ZDHHC3: variants seen among roughly 807,000 people sequenced by gnomAD.
ZDHHC3 encodes the protein palmitoyltransferase ZDHHC3.
Under a neutral mutation model 30.6 loss-of-function variants are expected in ZDHHC3, and 9 were observed. The observed-to-expected ratio is 0.29, with a 90% CI of 0.18 to 0.51. The LOEUF (loss-of-function observed/expected upper bound fraction) is 0.51. Ranked by LOEUF, ZDHHC3 falls within the 20% of genes least tolerant of loss-of-function variation. ZDHHC3 has a pLI of 0.97. For synonymous variants in ZDHHC3, 136 were observed against 140.2 expected, an observed-to-expected ratio of 0.97 and a Z score of 0.21; for missense variants, 246 against 384.2, an observed-to-expected ratio of 0.64 and a Z score of 3.01.
Position 44,926,725 on chromosome 3 carries a change from G to A in ZDHHC3, c.864C>T (p.Asp288=). 1 of 1,613,136 alleles carries A rather than the reference G, an allele frequency of 6.2e-7. No individual in the cohort carries two copies. The highest frequency in any genetic ancestry group is 8.5e-7 in the Non-Finnish European group (1 of 1,179,768). ...ACTGGTACGGGTCTGCCTTCCCTTG[G>A]TCTGGCGTGGCAAAGGGGCTGGCCC... The part of the protein sequence containing the change: ...LGWASPFATP[D]QGKADPYQYV... Residue 288 remains aspartate (D), a synonymous_variant, in exon 7 of 7, where the codon GAC becomes GAT. Coordinates refer to ENST00000424952, the MANE Select transcript of ZDHHC3 (RefSeq NM_001135179.2).
Position 44,922,260 on chromosome 3 carries a change from C to T in ZDHHC3, c.*4429G>A. The T allele has an allele frequency of 1.0e-6, 1 of 985,440 alleles. No homozygotes were observed. The highest frequency in any genetic ancestry group is 1.2e-6 in the Non-Finnish European group (1 of 829,932). The allele number at this position is 985,440 out of a possible 1,614,324, so 61.0% of individuals were successfully genotyped here. On this transcript the variant is annotated 3_prime_UTR_variant, in exon 7 of 7. Transcript: ENST00000424952. Reference sequence around the variant, plus strand: ...GTCAAGACGTGTTCAGGTCATGTATCCAGGCTGCTACAATGCCCCTGGCTC... The same window carrying T: ...GTCAAGACGTGTTCAGGTCATGTATTCAGGCTGCTACAATGCCCCTGGCTC...
Position 44,920,117 on chromosome 3 carries a change from C to A in ZDHHC3, c.*6572G>T. 8.2e-7 allele frequency: 1 copy of A among 1,226,762 alleles called. No individual in the cohort carries two copies. 76.0% of individuals were successfully genotyped at this position (1,226,762 alleles called of 1,614,324 possible). A position where few individuals can be genotyped will look rare whatever the true frequency, so the allele number is the denominator to read the frequency against. On this transcript the variant is annotated 3_prime_UTR_variant, in exon 7 of 7. Coordinates refer to ENST00000424952, the MANE Select transcript of ZDHHC3 (RefSeq NM_001135179.2). Reference sequence around the variant, plus strand: ...CACAATCCAAGTTTTACCAATGAGCCAATGTTACTTTTATAATCAGAACAA... The same window carrying A: ...CACAATCCAAGTTTTACCAATGAGCAAATGTTACTTTTATAATCAGAACAA...
In ZDHHC3 at chr3:44,922,321, T is replaced by C. The variant is rs957036684; in HGVS notation, c.*4368A>G. 47 of 985,198 alleles carry C rather than the reference T, an allele frequency of 4.8e-5. No individual in the cohort carries two copies. The highest frequency in any genetic ancestry group is 4.8e-5 in the Non-Finnish European group (40 of 829,908). The allele number at this position is 985,198 out of a possible 1,614,324, so 61.0% of individuals were successfully genotyped here. The stretch of plus-strand genomic sequence containing the variant: ...ACCGGCCGCCGCTCCCATCTGGAGG[T>C]CCCTTGGTTCTACTCTTTTCTCTTT... On this transcript the variant is annotated 3_prime_UTR_variant, in exon 7 of 7. Transcript: ENST00000424952.
chr3:44,923,128 T>C lies in ZDHHC3; in HGVS notation c.*3561A>G, dbSNP rs952062885. 10 of 963,876 alleles carry C rather than the reference T, an allele frequency of 1.0e-5. No homozygotes were observed. Among genetic ancestry groups the C allele is most frequent in the East Asian group, 2.4e-4 (2 of 8,454 alleles). 59.7% of individuals were successfully genotyped at this position (963,876 alleles called of 1,614,324 possible). A position where few individuals can be genotyped will look rare whatever the true frequency, so the allele number is the denominator to read the frequency against. Reference sequence around the variant, plus strand: ...TCTCACTCTGTCGCCCAGGCTGGAGTGCAGTGGTGCGATCTTGGCTCACTG... The same window carrying C: ...TCTCACTCTGTCGCCCAGGCTGGAGCGCAGTGGTGCGATCTTGGCTCACTG... On this transcript the variant is annotated 3_prime_UTR_variant, in exon 7 of 7. Transcript: ENST00000424952.
chr3:44,929,770 C>T (rs1359449231), intron 5 of ZDHHC3, among the ~76,000 whole-genome samples: 2 of 152,184 alleles, frequency 1.3e-5, no homozygotes, highest in Non-Finnish European at 2.9e-5. Context: ...GGCATGAACG[C>T]CTGACGACAC....
Position 44,959,503 on chromosome 3 carries a change from G to C in ZDHHC3, c.-24-43C>G. ...GAATCCAGAAACTTGGTGTTGTCTT[G>C]TCATCAAGGAGGTTTGACAAAATTG... On this transcript the variant is annotated intron_variant, in intron 1 of 6. Coordinates refer to ENST00000424952, the MANE Select transcript of ZDHHC3 (RefSeq NM_001135179.2). The surrounding 1 kb of genome is among the most constrained non-coding windows in gnomAD (Gnocchi z 4.3). The C allele has an allele frequency of 5.8e-6, 9 of 1,550,562 alleles. No homozygotes were observed. The highest frequency in any genetic ancestry group is 2.3e-5 in the East Asian group (1 of 44,298).
At chr3:44,955,457 T>TATATATATATATATATA (rs1553691496) in intron 2 of ZDHHC3, among the ~76,000 whole-genome samples, 12 of 143,962 alleles carry the variant, frequency 8.3e-5, no homozygotes, top group African/African-American at 3.1e-4. Flanking sequence ...CACAAGGTTT[T>TATATATATATATATATA]TATATATATA....
chr3:44,920,234 A>T lies in ZDHHC3; in HGVS notation c.*6455T>A, dbSNP rs1438134588. 1.6e-6 allele frequency: 2 copies of T among 1,289,818 alleles called. No homozygotes were observed. The highest frequency in any genetic ancestry group is 2.0e-6 in the Non-Finnish European group (2 of 988,898). The allele number at this position is 1,289,818 out of a possible 1,614,324, so 79.9% of individuals were successfully genotyped here. Reference sequence around the variant, plus strand: ...GCATGTGATGCCATGCTGCTTCCTGACTGGCCCCTCGCCAGGCCTCCCTTC... The same window carrying T: ...GCATGTGATGCCATGCTGCTTCCTGTCTGGCCCCTCGCCAGGCCTCCCTTC... On this transcript the variant is annotated 3_prime_UTR_variant, in exon 7 of 7. Transcript: ENST00000424952.
chr3:44,921,611 T>A lies in ZDHHC3; in HGVS notation c.*5078A>T, dbSNP rs1399310311. The A allele has an allele frequency of 4.1e-6, 4 of 985,300 alleles. No homozygotes were observed. Among genetic ancestry groups the A allele is most frequent in the Non-Finnish European group, 4.8e-6 (4 of 829,914 alleles). 61.0% of individuals were successfully genotyped at this position (985,300 alleles called of 1,614,324 possible). On this transcript the variant is annotated 3_prime_UTR_variant, in exon 7 of 7. Coordinates refer to ENST00000424952, the MANE Select transcript of ZDHHC3 (RefSeq NM_001135179.2). ...GCACAGCTCCAACACAGCTAACATT[T>A]ATAAAGCCATACCAGGGCCAGACGC... is the stretch of plus-strand genomic sequence containing the variant.
chr3:44,970,273 G>A (rs999599479), intron 1 of ZDHHC3, among the ~76,000 whole-genome samples: 2 of 152,356 alleles, frequency 1.3e-5, no homozygotes, highest in East Asian at 1.9e-4. Flanking sequence ...AATGGGCTGT[G>A]AGAAAGAGAA....
At position 44,917,787 on chromosome 3, in the gene ZDHHC3, C is replaced by A; in HGVS notation, c.*8902G>T. On this transcript the variant is annotated 3_prime_UTR_variant, in exon 7 of 7. Coordinates refer to ENST00000424952, the MANE Select transcript of ZDHHC3 (RefSeq NM_001135179.2). ...AGGCCAAGCGAGTGGCTAAGGGAAG[C>A]ACTGGGGGTGCTGGGAGCGCACCAT... 1.7e-6 allele frequency: 2 copies of A among 1,209,228 alleles called. No homozygotes were observed. The highest frequency in any genetic ancestry group is 2.1e-6 in the Non-Finnish European group (2 of 936,206). 74.9% of individuals were successfully genotyped at this position (1,209,228 alleles called of 1,614,324 possible).
In ZDHHC3 at chr3:44,924,761, A is replaced by C. The variant is rs1236196846; in HGVS notation, c.*1928T>G. 1 of 985,346 alleles carries C rather than the reference A, an allele frequency of 1.0e-6. No homozygotes were observed. Among genetic ancestry groups the C allele is most frequent in the Non-Finnish European group, 1.2e-6 (1 of 829,942 alleles). The allele number at this position is 985,346 out of a possible 1,614,324, so 61.0% of individuals were successfully genotyped here. On this transcript the variant is annotated 3_prime_UTR_variant, in exon 7 of 7. Transcript: ENST00000424952. ...AACACTTCTTTCATACACCTAACTG[A>C]GCTGTATGTTATGAAAAAATTTTAA...
At chr3:44,932,861 G>T in intron 5 of ZDHHC3, 2 of 1,592,714 alleles carry the variant, frequency 1.3e-6, no homozygotes, top group Non-Finnish European at 1.7e-6. Context: ...ATTCTCCCTG[G>T]GCACGCTCAG....
intron 6 of ZDHHC3, among the ~76,000 whole-genome samples, 182 bp from the exon 7 acceptor site, chr3:44,927,029 G>A (rs1023456663): frequency 6.6e-6 from 1 of 151,996 alleles, no homozygotes; most frequent in Admixed American, 6.5e-5. Context: ...TTTTTGGTGG[G>A]CACTCATTCA....
At chr3:44,946,675 GGTAGACCT>G (rs1575857955) in intron 2 of ZDHHC3, among the ~76,000 whole-genome samples, 1 of 152,182 alleles carries the variant, frequency 6.6e-6, no homozygotes, top group East Asian at 1.9e-4. Context: ...AGGCTGGCTA[GGTAGACCT>G]GTGGGAGAAA....
intron 1 of ZDHHC3, among the ~76,000 whole-genome samples, chr3:44,965,140 A>G (rs1704828304): frequency 6.6e-6 from 1 of 152,192 alleles, no homozygotes; most frequent in Non-Finnish European, 1.5e-5. Context: ...GTATTCCTTC[A>G]TAGAGTTCTA....
Position 44,922,806 on chromosome 3 carries a change from G to C in ZDHHC3, c.*3883C>G, listed in dbSNP as rs1700696422. ...TTCTAACAAGTTCTCAGGTGATGCT[G>C]ATGTTGACGTTGCTGGTCTGGCAAC... On this transcript the variant is annotated 3_prime_UTR_variant, in exon 7 of 7. Coordinates refer to ENST00000424952, the MANE Select transcript of ZDHHC3 (RefSeq NM_001135179.2). 1.0e-6 allele frequency: 1 copy of C among 985,194 alleles called. No individual in the cohort carries two copies. The highest frequency in any genetic ancestry group is 6.1e-5 in the Admixed American group (1 of 16,266). 61.0% of individuals were successfully genotyped at this position (985,194 alleles called of 1,614,324 possible).
rs754704407 is a variant in ZDHHC3, at chr3:44,917,949, CT to C, written c.*8739del. On this transcript the variant is annotated 3_prime_UTR_variant, in exon 7 of 7. Transcript: ENST00000424952. ...CGTCCTTTGTCTCCTCTGATGGATC[CT>C]CCATTGTTTCGGTGTCTGACAGCGA... 4.6e-6 allele frequency: 6 copies of C among 1,305,222 alleles called. No individual in the cohort carries two copies. The highest frequency in any genetic ancestry group is 5.1e-6 in the Non-Finnish European group (5 of 988,978). The allele number at this position is 1,305,222 out of a possible 1,614,324, so 80.9% of individuals were successfully genotyped here. A position where few individuals can be genotyped will look rare whatever the true frequency, so the allele number is the denominator to read the frequency against.
chr3:44,928,691 C>T (rs952067075), intron 6 of ZDHHC3, among the ~76,000 whole-genome samples: 3 of 152,226 alleles, frequency 2.0e-5, no homozygotes, highest in Admixed American at 1.3e-4. Flanking sequence ...CAGTCTGGCA[C>T]AGCCAGCAGC....
Sources: allele counts gnomAD v4.1 joint callset (sites outside exome capture counted in the v4.1 genomes callset), GRCh38; gene constraint gnomAD v4.1.1; non-coding constraint Gnocchi (gnomAD v3.1); transcripts MANE v1.5; gene names NCBI Gene and HGNC (gene_info 2026-07-23, HGNC 2026-07-21).